Variants in GRIK2 observed in about 807,000 individuals in gnomAD.
The protein encoded by GRIK2 is glutamate ionotropic receptor kainate type subunit 2.
A neutral mutation model predicts 100.3 loss-of-function variants in GRIK2; 32 were observed. The observed-to-expected ratio is 0.32, with a 90% CI of 0.24 to 0.43. The LOEUF (loss-of-function observed/expected upper bound fraction) is 0.43, where lower values mean the gene tolerates loss of function less well. Among genes scored for constraint, GRIK2 ranks in the 20% least tolerant of loss-of-function variants. The pLI, the probability that GRIK2 is intolerant of heterozygous loss-of-function variation, is 1.00. For synonymous variants in GRIK2, 417 were observed against 389.4 expected, an observed-to-expected ratio of 1.07 and a Z score of -0.83; for missense variants, 843 against 1,114.9, an observed-to-expected ratio of 0.76 and a Z score of 3.47.
chr6:101,630,426 T>C (rs925554139), intron 4 of GRIK2, among the ~76,000 whole-genome samples: 3 of 152,156 alleles, frequency 2.0e-5, no homozygotes. Context: ...AAATGGTATC[T>C]CATTGAGGTT....
At chr6:101,754,389 G>T (rs1184240942) in intron 7 of GRIK2, among the ~76,000 whole-genome samples, 1 of 152,164 alleles carries the variant, frequency 6.6e-6, no homozygotes, top group African/African-American at 2.4e-5. Context: ...CTATTATGTT[G>T]TAGGAGACAG....
chr6:101,995,498 A>G lies in GRIK2; in HGVS notation c.2086-39843A>G, dbSNP rs1276520048. ...CTCTTTCATCCAGTTTCAAAACTCT[A>G]TTTTGTCAAGAAAGTTATAATTATT... On this transcript the variant is annotated intron_variant, in intron 14 of 16. Transcript: ENST00000369134. 2.0e-5 allele frequency among the ~76,000 whole-genome samples: 3 copies of G among 151,924 alleles called. No homozygotes were observed. In the East Asian group the frequency reaches 5.8e-4, roughly 29 times the overall value.
chr6:101,812,289 ACT>A (rs1163124858), intron 9 of GRIK2, among the ~76,000 whole-genome samples: 1 of 151,790 alleles, frequency 6.6e-6, no homozygotes, highest in Non-Finnish European at 1.5e-5. Flanking sequence ...GGAGTAATTC[ACT>A]CACTTACTCT....
At chr6:101,713,912 C>T (rs1773887131) in intron 7 of GRIK2, among the ~76,000 whole-genome samples, 1 of 151,504 alleles carries the variant, frequency 6.6e-6, no homozygotes, top group African/African-American at 2.4e-5. Flanking sequence ...GTGTTTTCAC[C>T]CTACGCTTGA....
chr6:101,864,571 G>C (rs766278329), intron 11 of GRIK2, among the ~76,000 whole-genome samples: 1 of 152,138 alleles, frequency 6.6e-6, no homozygotes, highest in African/African-American at 2.4e-5. Context: ...TCTAAGTTGG[G>C]ACATGAATGC....
At chr6:101,972,341 C>T (rs1383629087) in intron 14 of GRIK2, among the ~76,000 whole-genome samples, 1 of 151,988 alleles carries the variant, frequency 6.6e-6, no homozygotes. Context: ...ATTTACATTT[C>T]TCTGATGACT....
intron 16 of GRIK2, among the ~76,000 whole-genome samples, chr6:102,066,391 G>A (rs1772017341): frequency 6.6e-6 from 1 of 151,528 alleles, no homozygotes; most frequent in Admixed American, 6.6e-5. Context: ...CACAATTCAG[G>A]GAGAGAGATA....
At chr6:101,761,789 C>CTCCCTCCCTCCA (rs1259193356) in intron 7 of GRIK2, among the ~76,000 whole-genome samples, 10 of 145,364 alleles carry the variant, frequency 6.9e-5, no homozygotes, top group African/African-American at 2.6e-4. Flanking sequence ...CCCTCCCTCC[C>CTCCCTCCCTCCA]TCCCTTCCTT....
chr6:101,405,472 C>CT (rs1434501392), intron 2 of GRIK2, among the ~76,000 whole-genome samples: 1 of 151,838 alleles, frequency 6.6e-6, no homozygotes, highest in African/African-American at 2.4e-5. Context: ...GAAAATTTGA[C>CT]TTTTCTTTTA....
chr6:101,467,565 A>C (rs1771711263), intron 2 of GRIK2, among the ~76,000 whole-genome samples: 1 of 152,170 alleles, frequency 6.6e-6, no homozygotes, highest in Admixed American at 6.5e-5. Flanking sequence ...TTAATAGCAA[A>C]CCCAGAGCTC....
intron 12 of GRIK2, among the ~76,000 whole-genome samples, chr6:101,913,236 T>C (rs1230189121): frequency 6.6e-6 from 1 of 151,582 alleles, no homozygotes; most frequent in Non-Finnish European, 1.5e-5. Context: ...ATTTTAGTGA[T>C]TGTTTTATTA....
intron 5 of GRIK2, among the ~76,000 whole-genome samples, chr6:101,681,402 CTATTT>C (rs1771237477): frequency 2.0e-5 from 2 of 99,068 alleles, no homozygotes; most frequent in African/African-American, 7.5e-5. Context: ...TTTTTCTTTT[CTATTT>C]TTTTTTTTTT....
At chr6:101,592,044 C>T (rs940938108) in intron 2 of GRIK2, among the ~76,000 whole-genome samples, 3 of 151,924 alleles carry the variant, frequency 2.0e-5, no homozygotes, top group Non-Finnish European at 4.4e-5. Context: ...GTTTAAAAGT[C>T]TGGGGTCTCC....
At chr6:101,914,700 C>G (rs1350736587) in intron 12 of GRIK2, among the ~76,000 whole-genome samples, 1 of 151,474 alleles carries the variant, frequency 6.6e-6, no homozygotes, top group Admixed American at 6.6e-5. Flanking sequence ...ATGCTGCATT[C>G]ACTTTTATTT....
intron 16 of GRIK2, among the ~76,000 whole-genome samples, chr6:102,062,042 G>C (rs1242528235): frequency 6.7e-6 from 1 of 148,382 alleles, no homozygotes; most frequent in African/African-American, 2.5e-5. Flanking sequence ...TTTTTAACTA[G>C]CTTAAGTAGG....
chr6:101,959,720 C>T (rs934260486), intron 14 of GRIK2, among the ~76,000 whole-genome samples: 4 of 152,048 alleles, frequency 2.6e-5, no homozygotes, highest in African/African-American at 7.2e-5. Context: ...AGGTTTTTAA[C>T]ACCGATGAAA....
intron 2 of GRIK2, among the ~76,000 whole-genome samples, chr6:101,571,036 A>G (rs1004153399): frequency 1.2e-4 from 17 of 145,972 alleles, no homozygotes; most frequent in African/African-American, 4.4e-4. Context: ...GAGTTTGATT[A>G]AATATTCTAG....
intron 7 of GRIK2, among the ~76,000 whole-genome samples, chr6:101,753,786 A>G (rs1263242102): frequency 6.6e-6 from 1 of 152,084 alleles, no homozygotes; most frequent in East Asian, 1.9e-4. Flanking sequence ...TACTGTGTAT[A>G]GTAATATAAA....
chr6:101,529,870 ACAATT>A (rs1295023813), intron 2 of GRIK2, among the ~76,000 whole-genome samples: 1 of 152,142 alleles, frequency 6.6e-6, no homozygotes, highest in Non-Finnish European at 1.5e-5. Context: ...AAGGATAAAT[ACAATT>A]CATTTTTATT....
Sources: gnomAD v4.1 joint callset for allele counts (sites outside exome capture counted in the v4.1 genomes callset) on GRCh38, gnomAD v4.1.1 for gene constraint, MANE v1.5 for transcripts, NCBI Gene and HGNC (gene_info 2026-07-23, HGNC 2026-07-21) for gene names.